The following KCNN3 variants were observed in gnomAD, a reference collection of about 807,000 sequenced individuals.
The protein encoded by KCNN3 is potassium calcium-activated channel subfamily N member 3.
KCNN3 carries 16 observed loss-of-function variants against 62.9 expected under a neutral mutation model. The ratio of observed to expected loss-of-function variants is 0.25; its 90% CI spans 0.17 to 0.39. The LOEUF is 0.39. KCNN3 is among the 10% of genes least tolerant of loss of function. The pLI, the probability that KCNN3 is intolerant of heterozygous loss-of-function variation, is 1.00. For missense variants in KCNN3, 599 were observed against 949.4 expected, an observed-to-expected ratio of 0.63 and a Z score of 4.85; for synonymous variants, 370 against 389.2, an observed-to-expected ratio of 0.95 and a Z score of 0.58.
At chr1:154,714,136 TG>T (rs1700144372) in intron 6 of KCNN3, among the ~76,000 whole-genome samples, 1 of 134,376 alleles carries the variant, frequency 7.4e-6, no homozygotes, top group African/African-American at 2.9e-5. Context: ...GTTGTGTGTG[TG>T]GTGTTTGTGT....
At chr1:154,758,739 G>A (rs1647857150) in intron 3 of KCNN3, among the ~76,000 whole-genome samples, 1 of 152,200 alleles carries the variant, frequency 6.6e-6, no homozygotes, top group South Asian at 2.1e-4. Context: ...TGGGGGACTG[G>A]GGCCAAGTCT....
chr1:154,774,420 C>G (rs1162278837), intron 2 of KCNN3, among the ~76,000 whole-genome samples: 1 of 152,236 alleles, frequency 6.6e-6, no homozygotes, highest in Non-Finnish European at 1.5e-5. Flanking sequence ...AGGGACTTCA[C>G]ATCCTTCCCC....
intron 1 of KCNN3, among the ~76,000 whole-genome samples, chr1:154,826,062 CAAAAACA>C (rs773406411): frequency 9.3e-5 from 12 of 129,416 alleles, no homozygotes; most frequent in South Asian, 4.8e-4. Flanking sequence ...AAAACAAAAA[CAAAAACA>C]AAAACAAAAA....
At position 154,834,783 on chromosome 1, in the gene KCNN3, C is replaced by T. The variant is rs971135607; in HGVS notation, c.934-12599G>A. Among the ~76,000 whole-genome samples, 29 of 152,188 alleles carry T rather than the reference C, an allele frequency of 1.9e-4. 1 individual carries two copies. The highest frequency in any genetic ancestry group is 1.2e-4 in the Non-Finnish European group (8 of 68,038). On this transcript the variant is annotated intron_variant, in intron 1 of 7. Coordinates refer to ENST00000271915, the MANE Select transcript of KCNN3 (RefSeq NM_002249.6). ...GAATGATTATACAATTTGCCAAGAT[C>T]ACACAGCTGAACTGTGGGAGCCAGA...
chr1:154,783,616 G>A (rs929995105), intron 2 of KCNN3, among the ~76,000 whole-genome samples: 1 of 152,172 alleles, frequency 6.6e-6, no homozygotes, highest in Admixed American at 6.5e-5. Flanking sequence ...GGGGTCAGAG[G>A]AGACCAACAC....
At position 154,708,058 on chromosome 1, in the gene KCNN3, G is replaced by C. The variant is rs753486219; in HGVS notation, c.2114C>G (p.Thr705Ser). ...ARGVSVAVGT[T>S]HTPISDSPIG... ...GGGGCTATCGGAGATTGGGGTGTGG[G>C]TGGTGCCCACTGCCACGCTGACACC... Residue 705 changes from threonine (T) to serine (S), a missense_variant, in exon 8 of 8, where the codon ACC becomes AGC. Coordinates refer to ENST00000271915, the MANE Select transcript of KCNN3 (RefSeq NM_002249.6). 5 of 1,613,422 alleles carry C rather than the reference G, an allele frequency of 3.1e-6. No homozygotes were observed. Among genetic ancestry groups the C allele is most frequent in the Non-Finnish European group, 4.2e-6 (5 of 1,179,580 alleles).
intron 3 of KCNN3, among the ~76,000 whole-genome samples, chr1:154,744,429 A>G (rs529616056): frequency 5.3e-5 from 8 of 152,332 alleles, no homozygotes; most frequent in South Asian, 2.1e-4. Flanking sequence ...AAAGATGGCA[A>G]TTGTAGTGAG....
At chr1:154,861,531 C>G (rs1652772794) in intron 1 of KCNN3, among the ~76,000 whole-genome samples, 1 of 152,172 alleles carries the variant, frequency 6.6e-6, no homozygotes, top group Admixed American at 6.5e-5. Flanking sequence ...ACACTCTGCC[C>G]CCTCTCCCCG....
chr1:154,850,033 C>T (rs892188075), intron 1 of KCNN3, among the ~76,000 whole-genome samples: 1 of 152,214 alleles, frequency 6.6e-6, no homozygotes, highest in Non-Finnish European at 1.5e-5. Context: ...TTCTCCCTCA[C>T]TCCCATTCTG....
intron 2 of KCNN3, among the ~76,000 whole-genome samples, chr1:154,774,905 G>T (rs558264592): frequency 7.2e-5 from 11 of 152,376 alleles, no homozygotes; most frequent in Admixed American, 5.2e-4. Flanking sequence ...AAGAAACTAG[G>T]CTGGGTTAGG....
intron 2 of KCNN3, among the ~76,000 whole-genome samples, chr1:154,787,678 T>C (rs962402239): frequency 2.0e-5 from 3 of 152,112 alleles, no homozygotes; most frequent in African/African-American, 7.2e-5. Context: ...TCCCCCACAC[T>C]AGAGGGCCCT....
rs757403879 is a variant in KCNN3, at chr1:154,774,540, C to T, written c.1030-2147G>A. Among the ~76,000 whole-genome samples, 3 of 152,362 alleles carry T rather than the reference C, an allele frequency of 2.0e-5. No homozygotes were observed. In the South Asian group the frequency reaches 6.2e-4, roughly 32 times the overall value. Reference sequence around the variant, plus strand: ...GAGGCCTGAGATCCGGGCATATGTTCGGTGTGGGCCTCCTGTGCAGGCACC... The same window carrying T: ...GAGGCCTGAGATCCGGGCATATGTTTGGTGTGGGCCTCCTGTGCAGGCACC... On this transcript the variant is annotated intron_variant, in intron 2 of 7. Coordinates refer to ENST00000271915, the MANE Select transcript of KCNN3 (RefSeq NM_002249.6).
chr1:154,722,033 T>C (rs1408740462), intron 5 of KCNN3, among the ~76,000 whole-genome samples: 1 of 151,750 alleles, frequency 6.6e-6, no homozygotes, highest in Non-Finnish European at 1.5e-5. Context: ...AAAGCAGAAA[T>C]TGAGTTCTTA....
chr1:154,832,569 C>T (rs1309204519), intron 1 of KCNN3, among the ~76,000 whole-genome samples: 2 of 152,150 alleles, frequency 1.3e-5, no homozygotes, highest in Non-Finnish European at 2.9e-5. Context: ...AAGGATCTGG[C>T]CCCCATATTT....
intron 4 of KCNN3, among the ~76,000 whole-genome samples, chr1:154,730,619 C>T (rs777998824): frequency 1.1e-4 from 16 of 152,062 alleles, no homozygotes; most frequent in Admixed American, 3.9e-4. Flanking sequence ...CAGAGTGAGG[C>T]GACTGACTTT....
intron 2 of KCNN3, among the ~76,000 whole-genome samples, chr1:154,801,777 T>C (rs1482644251): frequency 6.6e-6 from 1 of 152,008 alleles, no homozygotes; most frequent in East Asian, 1.9e-4. Context: ...CTGGAAGAGC[T>C]TGAAGAGCTG....
chr1:154,820,467 G>T (rs559871370), intron 2 of KCNN3, among the ~76,000 whole-genome samples: 1 of 152,314 alleles, frequency 6.6e-6, no homozygotes, highest in South Asian at 2.1e-4. Context: ...CCCCACACAG[G>T]TCAGGGTGAC....
At chr1:154,811,123 G>A (rs1650389788) in intron 2 of KCNN3, among the ~76,000 whole-genome samples, 1 of 152,172 alleles carries the variant, frequency 6.6e-6, no homozygotes, top group African/African-American at 2.4e-5. Flanking sequence ...ACCACCTGTG[G>A]GATTACCAAC....
At position 154,822,079 on chromosome 1, in the gene KCNN3, G is replaced by A. The variant is rs1248546189; in HGVS notation, c.1029+10C>T. The A allele has an allele frequency of 2.5e-6, 4 of 1,605,252 alleles. No individual in the cohort carries two copies. Among genetic ancestry groups the A allele is most frequent in the Non-Finnish European group, 3.4e-6 (4 of 1,172,124 alleles). ...GCCGCTGCATGAAGGGGTGAGGTGG[G>A]GGCACCTACCTGGACTTCACGTGTG... On this transcript the variant is annotated intron_variant, in intron 2 of 7. Coordinates refer to ENST00000271915, the MANE Select transcript of KCNN3 (RefSeq NM_002249.6).
Sources: allele counts gnomAD v4.1 joint callset (sites outside exome capture counted in the v4.1 genomes callset), GRCh38; gene constraint gnomAD v4.1.1; transcripts MANE v1.5; gene names NCBI Gene and HGNC (gene_info 2026-07-23, HGNC 2026-07-21).